DYRK1A: variants seen among roughly 807,000 people sequenced by gnomAD.
DYRK1A encodes dual specificity tyrosine-phosphorylation-regulated kinase 1A.
Under a neutral mutation model 79.7 loss-of-function variants are expected in DYRK1A, and 9 were observed. The observed-to-expected ratio is 0.11, with a 90% CI of 0.07 to 0.20. The LOEUF (loss-of-function observed/expected upper bound fraction) is 0.20. DYRK1A is among the 10% of genes least tolerant of loss of function. The probability of loss-of-function intolerance (pLI) is 1.00; values close to 1 mark genes in which losing one functional copy is unlikely to be tolerated. For missense variants in DYRK1A, 622 were observed against 956.0 expected, an observed-to-expected ratio of 0.65 and a Z score of 4.61; for synonymous variants, 349 against 329.7, an observed-to-expected ratio of 1.06 and a Z score of -0.63.
At chr21:37,507,723 C>T (rs2053638774) in intron 11 of DYRK1A, among the ~76,000 whole-genome samples, 1 of 137,034 alleles carries the variant, frequency 7.3e-6, no homozygotes. Context: ...TTCTTCTACC[C>T]AGCACTGAAA....
chr21:37,459,238 G>T (rs1039151907), intron 2 of DYRK1A, among the ~76,000 whole-genome samples: 9 of 152,138 alleles, frequency 5.9e-5, no homozygotes, highest in African/African-American at 1.7e-4. Flanking sequence ...GAAAGAATTA[G>T]TTCCTCTGTT....
chr21:37,506,332 A>G lies in DYRK1A; in HGVS notation c.1644+109A>G, dbSNP rs370658505. ...ACCGTATCATTTACCCTAGAGGTTCATGACGTTCCTGTCTAAGGAAATGTA... is the reference window on the plus strand; with the variant it reads ...ACCGTATCATTTACCCTAGAGGTTCGTGACGTTCCTGTCTAAGGAAATGTA... On this transcript the variant is annotated intron_variant, in intron 11 of 11. Coordinates refer to ENST00000647188, the MANE Select transcript of DYRK1A (RefSeq NM_001347721.2). The G allele has an allele frequency of 1.2e-5, 20 of 1,600,458 alleles. No individual in the cohort carries two copies. In the African/African-American group the frequency reaches 2.5e-4, roughly 20 times the overall value.
chr21:37,525,717 TC>T lies in DYRK1A; in HGVS notation c.*13188del, dbSNP rs1313744237. On this transcript the variant is annotated 3_prime_UTR_variant, in exon 12 of 12. Coordinates refer to ENST00000647188, the MANE Select transcript of DYRK1A (RefSeq NM_001347721.2). The stretch of plus-strand genomic sequence containing the variant: ...GAACCAGTATTGTCAATAGTGAACT[TC>T]CTTTAGCTCTTGTGGACTTCACTAT... 1.3e-5 allele frequency: 2 copies of T among 152,258 alleles called. No homozygotes were observed. The highest frequency in any genetic ancestry group is 2.1e-4 in the South Asian group (1 of 4,830). The allele number at this position is 152,258 out of a possible 1,614,324, so 9.4% of individuals were successfully genotyped here.
intron 1 of DYRK1A, among the ~76,000 whole-genome samples, chr21:37,392,879 T>C (rs1291046683): frequency 2.6e-5 from 4 of 152,240 alleles, no homozygotes; most frequent in African/African-American, 9.6e-5. Context: ...GCTTCCAAGA[T>C]GGCGTTTCAA....
intron 9 of DYRK1A, among the ~76,000 whole-genome samples, chr21:37,496,588 G>T (rs1459536494): frequency 1.3e-5 from 2 of 152,094 alleles, no homozygotes; most frequent in Admixed American, 6.5e-5. Flanking sequence ...GCTTGGGCAT[G>T]TAATGAGGTC....
chr21:37,432,051 T>A (rs1311183412), intron 2 of DYRK1A, among the ~76,000 whole-genome samples: 1 of 152,246 alleles, frequency 6.6e-6, no homozygotes, highest in African/African-American at 2.4e-5. Context: ...CAATATACTA[T>A]TATAACTTTT....
intron 7 of DYRK1A, 35 bp downstream of exon 7, chr21:37,490,496 A>G: frequency 1.3e-6 from 2 of 1,585,024 alleles, no homozygotes; most frequent in Non-Finnish European, 1.7e-6. Context: ...AATTAAATAG[A>G]AATTAAATAG....
chr21:37,434,445 T>G (rs961822290), intron 2 of DYRK1A, among the ~76,000 whole-genome samples: 2 of 152,224 alleles, frequency 1.3e-5, no homozygotes, highest in Non-Finnish European at 2.9e-5. Context: ...TATGTGAGAT[T>G]AAAGAAACTC....
intron 1 of DYRK1A, among the ~76,000 whole-genome samples, chr21:37,399,827 A>G (rs976441076): frequency 6.6e-6 from 1 of 152,214 alleles, no homozygotes; most frequent in African/African-American, 2.4e-5. Flanking sequence ...CAGAATGCAA[A>G]TTAAGAATAC....
At chr21:37,443,723 G>A (rs891083106) in intron 2 of DYRK1A, among the ~76,000 whole-genome samples, 4 of 152,104 alleles carry the variant, frequency 2.6e-5, no homozygotes, top group African/African-American at 9.7e-5. Context: ...TAGTTTGCTG[G>A]CAATCTTGGG....
At chr21:37,422,387 A>G (rs1004632530) in intron 2 of DYRK1A, among the ~76,000 whole-genome samples, 4 of 152,184 alleles carry the variant, frequency 2.6e-5, no homozygotes, top group Non-Finnish European at 5.9e-5. Flanking sequence ...CGACTGATAG[A>G]ATTTCAACAC....
chr21:37,440,227 C>T (rs1486505798), intron 2 of DYRK1A, among the ~76,000 whole-genome samples: 1 of 143,810 alleles, frequency 7.0e-6, no homozygotes, highest in Non-Finnish European at 1.5e-5. Flanking sequence ...CCTCCGCCCC[C>T]TGGGTTCAAG....
chr21:37,443,263 G>A (rs937623145), intron 2 of DYRK1A, among the ~76,000 whole-genome samples: 11 of 152,148 alleles, frequency 7.2e-5, no homozygotes, highest in African/African-American at 2.7e-4. Context: ...TCCTGCTTCA[G>A]CCTCCCAAAG....
At chr21:37,432,848 AGCTTGTAATCCCAGCTACTCAGGAG>A (rs2050814182) in intron 2 of DYRK1A, among the ~76,000 whole-genome samples, 1 of 151,764 alleles carries the variant, frequency 6.6e-6, no homozygotes, top group South Asian at 2.1e-4. Context: ...TGGTGGTGCA[AGCTTGTAATCCCAGCTACTCAGGAG>A]GCTGAGGCAG....
intron 1 of DYRK1A, among the ~76,000 whole-genome samples, chr21:37,385,343 A>G (rs960890081): frequency 6.6e-6 from 1 of 152,188 alleles, no homozygotes; most frequent in South Asian, 2.1e-4. Flanking sequence ...CTGTGGTCTC[A>G]TTTGAGACTT....
intron 11 of DYRK1A, among the ~76,000 whole-genome samples, chr21:37,510,180 CAGA>C (rs2053710109): frequency 6.6e-6 from 1 of 152,156 alleles, no homozygotes; most frequent in African/African-American, 2.4e-5. Flanking sequence ...TTCCTGAAAG[CAGA>C]ATGACTGTTT....
At chr21:37,416,381 T>C (rs983335250) in intron 1 of DYRK1A, among the ~76,000 whole-genome samples, 3 of 146,224 alleles carry the variant, frequency 2.1e-5, no homozygotes, top group Non-Finnish European at 3.0e-5. Context: ...GAGTGATAAA[T>C]GTTCTGGGTT....
At chr21:37,371,402 A>G (rs570682648) in intron 1 of DYRK1A, among the ~76,000 whole-genome samples, 1 of 152,364 alleles carries the variant, frequency 6.6e-6, no homozygotes, top group African/African-American at 2.4e-5. Flanking sequence ...AGGTATTTAA[A>G]AAGTTAAGCT....
At chr21:37,511,458 GT>G (rs1465441132) in intron 11 of DYRK1A, among the ~76,000 whole-genome samples, 1 of 152,240 alleles carries the variant, frequency 6.6e-6, no homozygotes, top group Non-Finnish European at 1.5e-5. Flanking sequence ...AGACTCATAA[GT>G]TCTTGCTCAT....
Sources: gnomAD v4.1 joint callset for allele counts (sites outside exome capture counted in the v4.1 genomes callset) on GRCh38, gnomAD v4.1.1 for gene constraint, MANE v1.5 for transcripts, NCBI Gene and HGNC (gene_info 2026-07-23, HGNC 2026-07-21) for gene names.